SH3BGRL2: variants seen among roughly 807,000 people sequenced by gnomAD.
SH3BGRL2 encodes SH3 domain binding glutamate rich protein like 2.
SH3BGRL2 carries 21 observed loss-of-function variants against 14.8 expected under a neutral mutation model. That is an observed-to-expected ratio of 1.42 (90% CI 1.01 to 2.05). The LOEUF (loss-of-function observed/expected upper bound fraction) is 2.05. SH3BGRL2 is among the 30% of genes most tolerant of loss of function. The pLI, the probability that SH3BGRL2 is intolerant of heterozygous loss-of-function variation, is 0.00. For synonymous variants in SH3BGRL2, 50 were observed against 47.8 expected, an observed-to-expected ratio of 1.05 and a Z score of -0.19; for missense variants, 147 against 130.8, an observed-to-expected ratio of 1.12 and a Z score of -0.61.
intron 2 of SH3BGRL2, among the ~76,000 whole-genome samples, 188 bp from the exon 3 acceptor site, chr6:79,696,297 T>G (rs374382239): frequency 2.3e-3 from 353 of 152,342 alleles, no homozygotes; most frequent in African/African-American, 8.1e-3. Flanking sequence ...ACTTGTTACA[T>G]TCTTCATCAT....
chr6:79,677,816 C>A (rs1268853211), intron 2 of SH3BGRL2, among the ~76,000 whole-genome samples: 1 of 152,118 alleles, frequency 6.6e-6, no homozygotes, highest in East Asian at 1.9e-4. Flanking sequence ...GGAATCAATC[C>A]TTACTGTGAG....
chr6:79,676,605 ATGTGTGTGTGTG>A (rs58234438), intron 2 of SH3BGRL2, among the ~76,000 whole-genome samples: 1 of 139,672 alleles, frequency 7.2e-6, no homozygotes, highest in African/African-American at 2.7e-5. Flanking sequence ...GTCTTTATGT[ATGTGTGTGTGTG>A]TGTGTGTGTG....
the SH3BGRL2 span, among the ~76,000 whole-genome samples, chr6:79,599,998 T>C: frequency 6.6e-6 from 1 of 152,152 alleles, no homozygotes; most frequent in Non-Finnish European, 1.5e-5. Flanking sequence ...TGTCGGACTT[T>C]CTTCACGGCC....
chr6:79,692,946 G>A (rs953940984), intron 2 of SH3BGRL2, among the ~76,000 whole-genome samples: 5 of 152,228 alleles, frequency 3.3e-5, no homozygotes, highest in Middle Eastern at 3.4e-3. Flanking sequence ...ATTACCTTGG[G>A]TAGTATGGCC....
chr6:79,653,103 C>G (rs1769338406), intron 1 of SH3BGRL2, among the ~76,000 whole-genome samples: 1 of 152,124 alleles, frequency 6.6e-6, no homozygotes, highest in Admixed American at 6.5e-5. Flanking sequence ...CAGCATTTCC[C>G]CTTAACATGA....
At chr6:79,639,785 G>A (rs1768995840) in intron 1 of SH3BGRL2, among the ~76,000 whole-genome samples, 1 of 151,990 alleles carries the variant, frequency 6.6e-6, no homozygotes. Flanking sequence ...CTTTAAATGG[G>A]TATTATTTTA....
At position 79,648,573 on chromosome 6, in the gene SH3BGRL2, T is replaced by C. The variant is rs1024793214; in HGVS notation, c.45+17067T>C. Among the ~76,000 whole-genome samples, 38 of 151,750 alleles carry C rather than the reference T, an allele frequency of 2.5e-4. 1 individual carries two copies. The highest frequency in any genetic ancestry group is 8.7e-4 in the African/African-American group (36 of 41,310). On this transcript the variant is annotated intron_variant, in intron 1 of 3. Coordinates refer to ENST00000369838, the MANE Select transcript of SH3BGRL2 (RefSeq NM_031469.4). ...CTTCCACCTCCCTCCATGCTGTAGA[T>C]TGTGGAATGTCTTCTCCTGGCCTCA...
the SH3BGRL2 span, among the ~76,000 whole-genome samples, chr6:79,615,125 A>G: frequency 6.6e-6 from 1 of 152,076 alleles, no homozygotes; most frequent in South Asian, 2.1e-4. Flanking sequence ...TGACACCAGC[A>G]CTCACACAGT....
At chr6:79,557,298 A>G in the SH3BGRL2 span, among the ~76,000 whole-genome samples, 1 of 151,918 alleles carries the variant, frequency 6.6e-6, no homozygotes, top group South Asian at 2.1e-4. Context: ...AAAAGGAAAT[A>G]CAGAATTATA....
chr6:79,598,769 T>C, the SH3BGRL2 span, among the ~76,000 whole-genome samples: 2 of 151,990 alleles, frequency 1.3e-5, no homozygotes, highest in Non-Finnish European at 2.9e-5. Context: ...AATGAAGTTA[T>C]AAAAAATAAA....
chr6:79,655,065 G>T (rs763728348), intron 1 of SH3BGRL2, among the ~76,000 whole-genome samples: 3 of 151,972 alleles, frequency 2.0e-5, no homozygotes, highest in South Asian at 2.1e-4. Flanking sequence ...TGTTTTTTTT[G>T]TGTGGGGGGG....
At chr6:79,650,711 C>G (rs1222264825) in intron 1 of SH3BGRL2, among the ~76,000 whole-genome samples, 1 of 151,886 alleles carries the variant, frequency 6.6e-6, no homozygotes, top group Non-Finnish European at 1.5e-5. Flanking sequence ...GGGATCTGCC[C>G]CCATGACTCA....
chr6:79,625,183 AAT>A, the SH3BGRL2 span, among the ~76,000 whole-genome samples: 1 of 150,186 alleles, frequency 6.7e-6, no homozygotes, highest in African/African-American at 2.5e-5. Flanking sequence ...TATTAAAAAA[AAT>A]ATATATATAC....
chr6:79,671,460 A>C (rs1769772147), intron 1 of SH3BGRL2, among the ~76,000 whole-genome samples: 1 of 152,194 alleles, frequency 6.6e-6, no homozygotes, highest in Admixed American at 6.5e-5. Flanking sequence ...AAAACAAAAC[A>C]AAACAAAAAA....
At chr6:79,597,292 GAGAA>G in the SH3BGRL2 span, among the ~76,000 whole-genome samples, 4 of 115,668 alleles carry the variant, frequency 3.5e-5, no homozygotes, top group South Asian at 4.8e-4. Context: ...GAAAGAAAGA[GAGAA>G]AGAGAGAGAA....
chr6:79,604,766 C>A, the SH3BGRL2 span, among the ~76,000 whole-genome samples: 2 of 152,162 alleles, frequency 1.3e-5, no homozygotes, highest in East Asian at 3.9e-4. Flanking sequence ...TCTGAGCACA[C>A]ACAGAAACAT....
At chr6:79,658,925 C>T (rs1325003021) in intron 1 of SH3BGRL2, among the ~76,000 whole-genome samples, 6 of 152,196 alleles carry the variant, frequency 3.9e-5, no homozygotes, top group Non-Finnish European at 8.8e-5. Flanking sequence ...TGTCCGTTGG[C>T]TGCATAAATG....
the SH3BGRL2 span, among the ~76,000 whole-genome samples, chr6:79,560,032 G>C: frequency 3.2e-4 from 48 of 152,116 alleles, no homozygotes; most frequent in Non-Finnish European, 5.0e-4. Context: ...GAGGAGAAGA[G>C]GAAGAGAAGA....
the SH3BGRL2 span, among the ~76,000 whole-genome samples, chr6:79,557,560 GAAGA>G: frequency 1.0e-3 from 156 of 152,256 alleles, no homozygotes; most frequent in Non-Finnish European, 1.8e-3. Context: ...ATAGAGAAAT[GAAGA>G]AACTGGAGCT....
Sources: gnomAD v4.1 joint callset for allele counts (sites outside exome capture counted in the v4.1 genomes callset) on GRCh38, gnomAD v4.1.1 for gene constraint, MANE v1.5 for transcripts, NCBI Gene and HGNC (gene_info 2026-07-23, HGNC 2026-07-21) for gene names.